Variants in GRPEL1 observed in about 807,000 individuals in gnomAD.
GRPEL1 encodes grpE protein homolog 1, mitochondrial.
In GRPEL1, 13 loss-of-function variants were observed where a neutral mutation model predicts 22.1. The observed-to-expected ratio is 0.59, with a 90% confidence interval of 0.38 to 0.94. The LOEUF (loss-of-function observed/expected upper bound fraction) is 0.94, where lower values mean the gene tolerates loss of function less well. GRPEL1 is among the 40% of genes least tolerant of loss of function. The pLI is 0.00. For synonymous variants in GRPEL1, 109 were observed against 105.3 expected, an observed-to-expected ratio of 1.03 and a Z score of -0.21; for missense variants, 289 against 264.6, an observed-to-expected ratio of 1.09 and a Z score of -0.64.
intron 2 of GRPEL1, among the ~76,000 whole-genome samples, chr4:7,063,012 C>T (rs1724081662): frequency 6.6e-6 from 1 of 152,036 alleles, no homozygotes; most frequent in Admixed American, 6.6e-5. Flanking sequence ...TGGCTCAGTT[C>T]AAACATTCCT....
intron 2 of GRPEL1, 27 bp from the exon 3 acceptor site, chr4:7,062,493 T>G (rs778766419): frequency 2.4e-5 from 17 of 697,806 alleles, no homozygotes; most frequent in African/African-American, 2.4e-4. Context: ...GGGATATTTA[T>G]ATATATATAT....
chr4:7,062,493 TA>T lies in GRPEL1; in HGVS notation c.226-28del, dbSNP rs61124959. 1.0e-4 allele frequency: 70 copies of T among 697,744 alleles called. 5 individuals carry two copies. The highest frequency in any genetic ancestry group is 4.6e-4 in the African/African-American group (21 of 46,138). 43.2% of individuals were successfully genotyped at this position (697,744 alleles called of 1,614,324 possible). A position where few individuals can be genotyped will look rare whatever the true frequency, so the allele number is the denominator to read the frequency against. ...TAAAAGAGAAAAAAAGGGATATTTA[TA>T]TATATATATATATATATATATCTTT... is the stretch of plus-strand genomic sequence containing the variant. On this transcript the variant is annotated intron_variant, in intron 2 of 3. Coordinates refer to ENST00000264954, the MANE Select transcript of GRPEL1 (RefSeq NM_025196.4).
At chr4:7,061,249 C>A in intron 3 of GRPEL1, 41 bp from the exon 4 acceptor site, 2 of 1,512,854 alleles carry the variant, frequency 1.3e-6, no homozygotes, top group Non-Finnish European at 1.8e-6. Context: ...TCCATACCAA[C>A]CGCACAGGGC....
At chr4:7,063,980 A>G (rs773897426) in intron 2 of GRPEL1, 81 bp downstream of exon 2, 317 of 1,468,816 alleles carry the variant, frequency 2.2e-4, no homozygotes, top group African/African-American at 4.4e-4. Flanking sequence ...TCTGTCACCA[A>G]TGAAACCTGG....
At chr4:7,064,600 G>A (rs967333361) in intron 1 of GRPEL1, among the ~76,000 whole-genome samples, 5 of 151,850 alleles carry the variant, frequency 3.3e-5, no homozygotes, top group Non-Finnish European at 7.4e-5. Context: ...TGCAACCTCC[G>A]TCTCGTGGGT....
intron 1 of GRPEL1, among the ~76,000 whole-genome samples, chr4:7,065,534 T>TA (rs773308882): frequency 6.4e-4 from 91 of 142,010 alleles, no homozygotes; most frequent in African/African-American, 1.7e-3. Flanking sequence ...AAAAAGTGAT[T>TA]AAAAAAAAAA....
At chr4:7,066,937 A>G (rs544143606) in intron 1 of GRPEL1, among the ~76,000 whole-genome samples, 1 of 152,354 alleles carries the variant, frequency 6.6e-6, no homozygotes, top group Admixed American at 6.5e-5. Context: ...ATTAATTCCA[A>G]TACAAAACCA....
chr4:7,062,325 T>C, intron 3 of GRPEL1, 60 bp downstream of exon 3: 1 of 858,320 alleles, frequency 1.2e-6, no homozygotes, highest in Non-Finnish European at 1.9e-6. Flanking sequence ...TGCATGGCCT[T>C]CCCCTTCCCC....
intron 2 of GRPEL1, 35 bp downstream of exon 2, chr4:7,064,026 C>T (rs777191670): frequency 1.7e-5 from 28 of 1,600,496 alleles, no homozygotes; most frequent in Admixed American, 6.8e-5. Flanking sequence ...ACAGTTCAGC[C>T]GAGCCCGCCC....
intron 2 of GRPEL1, among the ~76,000 whole-genome samples, chr4:7,063,775 A>C (rs975533737): frequency 9.2e-5 from 14 of 152,216 alleles, no homozygotes; most frequent in African/African-American, 2.9e-4. Context: ...TCCCAGCCTA[A>C]ACAACCATAC....
rs1360939058 is a variant in GRPEL1 at position 7,067,995 on chromosome 4, A to G, written c.38T>C (p.Leu13Pro). The change falls in exon 1 of 4, where the codon CTT (leucine) becomes CCT (proline). Residue 13 changes from leucine to proline, a missense_variant. Coordinates refer to ENST00000264954, the MANE Select transcript of GRPEL1 (RefSeq NM_025196.4). ...CCTGAGAGACAACGCCAAAGCAGGAAGACTGCGCCGCGCCAACCTCACGCA... is the reference window on the plus strand; with the variant it reads ...CCTGAGAGACAACGCCAAAGCAGGAGGACTGCGCCGCGCCAACCTCACGCA... The part of the protein sequence containing the change: ...AQCVRLARRS[L>P]PALALSLRPS... 1 of 1,613,448 alleles carries G rather than the reference A, an allele frequency of 6.2e-7. No individual in the cohort carries two copies. Among genetic ancestry groups the G allele is most frequent in the East Asian group, 2.2e-5 (1 of 44,856 alleles).
rs540302978 is a variant in GRPEL1, at chr4:7,064,731, T to G, written c.63-508A>C. ...CCAGGCTAGTCTTGATATCCTGACC[T>G]TAAGTGATCTGCCCGCGTTGGCCTC... On this transcript the variant is annotated intron_variant, in intron 1 of 3. Coordinates refer to ENST00000264954, the MANE Select transcript of GRPEL1 (RefSeq NM_025196.4). 8.5e-5 allele frequency among the ~76,000 whole-genome samples: 13 copies of G among 152,324 alleles called. No homozygotes were observed. The East Asian group carries it at 2.5e-3, about 29-fold the overall frequency.
rs767288952 is a variant in GRPEL1, at chr4:7,064,156, T to C, written c.130A>G (p.Met44Val). 1.7e-5 allele frequency: 27 copies of C among 1,614,106 alleles called. No individual in the cohort carries two copies. Among genetic ancestry groups the C allele is most frequent in the Non-Finnish European group, 2.3e-5 (27 of 1,180,036 alleles). Residue 44 changes from methionine to valine, a missense_variant, in exon 2 of 4, where the codon ATG becomes GTG. Physicochemically the swap from Met to Val is conservative, Grantham distance 21. Transcript: ENST00000264954. ...TCTGCCTTCTGTTCACTCTGACCCA[T>C]GTCCTCTTCCAGGTTCTGGCCACTG... ...KNSGQNLEEDMGQSEQKADPP... is the reference protein window; with the variant it reads ...KNSGQNLEEDVGQSEQKADPP...
intron 1 of GRPEL1, among the ~76,000 whole-genome samples, chr4:7,067,072 G>T (rs768415829): frequency 6.6e-6 from 1 of 152,214 alleles, no homozygotes; most frequent in Non-Finnish European, 1.5e-5. Flanking sequence ...GACTGAAAGT[G>T]ATCTTCACCT....
At chr4:7,065,856 C>CTT (rs11449578) in intron 1 of GRPEL1, among the ~76,000 whole-genome samples, 2,830 of 142,088 alleles carry the variant, frequency 0.02, 53 homozygotes, top group Middle Eastern at 0.048. Context: ...CAGAGGACCT[C>CTT]TTTTTTTTTT....
chr4:7,067,108 G>A (rs955894328), intron 1 of GRPEL1, among the ~76,000 whole-genome samples: 5 of 152,238 alleles, frequency 3.3e-5, no homozygotes, highest in African/African-American at 1.2e-4. Flanking sequence ...CTTCAGGAAA[G>A]AACTACATCT....
chr4:7,063,361 G>A (rs1724089925), intron 2 of GRPEL1, among the ~76,000 whole-genome samples: 1 of 152,134 alleles, frequency 6.6e-6, no homozygotes, highest in Admixed American at 6.5e-5. Flanking sequence ...AGTGCTATCA[G>A]AGGGGTAAGC....
intron 3 of GRPEL1, chr4:7,061,672 A>G (rs929443604): frequency 1.9e-5 from 3 of 161,034 alleles, no homozygotes; most frequent in Non-Finnish European, 4.1e-5. Context: ...AAGGGTAAGA[A>G]CCAACAAAGC....
At position 7,064,229 on chromosome 4, in the gene GRPEL1, G is replaced by A; in HGVS notation, c.63-6C>T. 6.2e-7 allele frequency: 1 copy of A among 1,610,208 alleles called. No individual in the cohort carries two copies. The highest frequency in any genetic ancestry group is 1.7e-4 in the Middle Eastern group (1 of 6,040). ...ACAACAACCGGGGAGATGGCCTACA[G>A]GGAAGTCCACACGTGAGAAACGAAG... is the stretch of plus-strand genomic sequence containing the variant. On this transcript the variant is annotated splice_polypyrimidine_tract_variant and splice_region_variant and intron_variant, in intron 1 of 3. Transcript: ENST00000264954.
Sources: gnomAD v4.1 joint callset for allele counts (sites outside exome capture counted in the v4.1 genomes callset) on GRCh38, gnomAD v4.1.1 for gene constraint, MANE v1.5 for transcripts, NCBI Gene and HGNC (gene_info 2026-07-23, HGNC 2026-07-21) for gene names.